BCAR3: variants seen among roughly 807,000 people sequenced by gnomAD.
BCAR3 encodes the protein BCAR3 adaptor protein, NSP family member.
Under a neutral mutation model 80.1 loss-of-function variants are expected in BCAR3, and 37 were observed. The ratio of observed to expected loss-of-function variants is 0.46; its 90% CI spans 0.36 to 0.61. The LOEUF (loss-of-function observed/expected upper bound fraction) is 0.61, where lower values mean the gene tolerates loss of function less well. Among genes scored for constraint, BCAR3 ranks in the 20% least tolerant of loss-of-function variants. The pLI, the probability that BCAR3 is intolerant of heterozygous loss-of-function variation, is 0.00. For synonymous variants in BCAR3, 389 were observed against 418.9 expected (o/e 0.93, Z 0.87); for missense variants, 978 against 1,068.2 (o/e 0.92, Z 1.18).
chr1:93,755,645 C>G (rs1274229577), intron 2 of BCAR3, among the ~76,000 whole-genome samples: 3 of 152,098 alleles, frequency 2.0e-5, no homozygotes, highest in African/African-American at 7.2e-5. Flanking sequence ...TGTAAGTGCA[C>G]TTTATGATGT....
At chr1:93,579,417 G>A (rs1673609532) in intron 7 of BCAR3, among the ~76,000 whole-genome samples, 1 of 152,214 alleles carries the variant, frequency 6.6e-6, no homozygotes, top group South Asian at 2.1e-4. Flanking sequence ...GCCCTGCCCT[G>A]GGGCTGGGTG....
chr1:93,802,983 G>T (rs1165912363), intron 2 of BCAR3, among the ~76,000 whole-genome samples: 2 of 152,120 alleles, frequency 1.3e-5, no homozygotes, highest in African/African-American at 2.4e-5. Flanking sequence ...CACTTCTCAG[G>T]CTCTTACCCC....
intron 2 of BCAR3, among the ~76,000 whole-genome samples, chr1:93,667,894 T>C (rs1005036175): frequency 6.6e-6 from 1 of 152,206 alleles, no homozygotes; most frequent in Admixed American, 6.5e-5. Flanking sequence ...ACTACTCCTT[T>C]AGCTTACAAC....
intron 2 of BCAR3, among the ~76,000 whole-genome samples, chr1:93,658,157 T>A (rs2101927337): frequency 6.6e-6 from 1 of 152,166 alleles, no homozygotes; most frequent in South Asian, 2.1e-4. Flanking sequence ...GCCAGGATGG[T>A]CTCAATCTCC....
Position 93,725,789 on chromosome 1 carries a change from T to C in BCAR3, c.-62-19647A>G, listed in dbSNP as rs1216327515. On this transcript the variant is annotated intron_variant, in intron 2 of 13. Coordinates refer to the BCAR3 transcript ENST00000370244. ...AGTTGATATTTGGGTAGAGGTGAAG[T>C]AGGGATCCAATTTTTTGCCTTATTA... Among the ~76,000 whole-genome samples the C allele has an allele frequency of 2.6e-5, 4 of 152,202 alleles. No homozygotes were observed. In the East Asian group the frequency reaches 5.8e-4, roughly 22 times the overall value.
At chr1:93,717,636 T>A (rs923667459) in intron 2 of BCAR3, among the ~76,000 whole-genome samples, 4 of 146,652 alleles carry the variant, frequency 2.7e-5, no homozygotes, top group Admixed American at 7.1e-5. Context: ...GCTGAGGTAG[T>A]GGAATTGCTT....
chr1:93,746,771 T>C (rs912399051), intron 2 of BCAR3, among the ~76,000 whole-genome samples: 1 of 152,098 alleles, frequency 6.6e-6, no homozygotes, highest in Non-Finnish European at 1.5e-5. Flanking sequence ...ACTCCCACAC[T>C]CCTGAGACCC....
At chr1:93,691,963 A>G (rs761925590) in intron 3 of BCAR3, among the ~76,000 whole-genome samples, 6 of 152,174 alleles carry the variant, frequency 3.9e-5, no homozygotes, top group Admixed American at 6.5e-5. Flanking sequence ...TGGTTACACT[A>G]TTCTCTCTAC....
At chr1:93,738,440 G>A (rs1043232109) in intron 2 of BCAR3, among the ~76,000 whole-genome samples, 1 of 152,246 alleles carries the variant, frequency 6.6e-6, no homozygotes, top group Non-Finnish European at 1.5e-5. Flanking sequence ...CTGCAGGCCG[G>A]TGATGGAGCT....
chr1:93,590,452 C>A (rs1674123936), intron 4 of BCAR3: 1 of 152,156 alleles, frequency 6.6e-6, no homozygotes, highest in African/African-American at 2.4e-5. Context: ...TTAGCAATAA[C>A]TCGTTATTAC....
intron 3 of BCAR3, among the ~76,000 whole-genome samples, chr1:93,597,808 C>G (rs1445279982): frequency 2.6e-5 from 4 of 152,210 alleles, no homozygotes; most frequent in African/African-American, 4.8e-5. Flanking sequence ...TGCCAAGTGC[C>G]TGGAGGCTGC....
intron 2 of BCAR3, among the ~76,000 whole-genome samples, chr1:93,718,355 A>T (rs1217722733): frequency 6.6e-6 from 1 of 152,196 alleles, no homozygotes; most frequent in East Asian, 1.9e-4. Flanking sequence ...AATGCGTACT[A>T]ATGCAGCAGG....
chr1:93,766,534 T>C (rs1170368401), intron 2 of BCAR3, among the ~76,000 whole-genome samples: 1 of 152,198 alleles, frequency 6.6e-6, no homozygotes, highest in Non-Finnish European at 1.5e-5. Context: ...GAATGCTGGG[T>C]TCTTGTTGCC....
At chr1:93,812,829 AC>A (rs1321916747) in intron 2 of BCAR3, among the ~76,000 whole-genome samples, 2 of 151,920 alleles carry the variant, frequency 1.3e-5, no homozygotes, top group Non-Finnish European at 2.9e-5. Context: ...TAAATTCTCT[AC>A]CCCCCTATCC....
chr1:93,698,520 C>T (rs560138948), intron 3 of BCAR3, among the ~76,000 whole-genome samples: 1 of 152,260 alleles, frequency 6.6e-6, no homozygotes, highest in East Asian at 1.9e-4. Context: ...TCCTTTAACC[C>T]CTTCAGGACC....
intron 3 of BCAR3, among the ~76,000 whole-genome samples, chr1:93,690,896 A>C (rs1004360464): frequency 8.5e-5 from 13 of 152,192 alleles, no homozygotes; most frequent in African/African-American, 3.1e-4. Context: ...GGGTGCTTCA[A>C]GGGTGAGTGG....
Position 93,567,866 on chromosome 1 carries a change from G to T in BCAR3, c.1975-15C>A. 1 of 1,602,152 alleles carries T rather than the reference G, an allele frequency of 6.2e-7. No homozygotes were observed. Among genetic ancestry groups the T allele is most frequent in the African/African-American group, 1.3e-5 (1 of 74,746 alleles). ...AACCTTGTGATCTGGAAGAAAGGTG[G>T]TGTTTTGGAAAAGGTTCTTTTTAAA... On this transcript the variant is annotated splice_polypyrimidine_tract_variant and intron_variant, in intron 9 of 11. Transcript: ENST00000260502.
At chr1:93,819,315 C>T (rs1223610733) in intron 2 of BCAR3, among the ~76,000 whole-genome samples, 2 of 152,226 alleles carry the variant, frequency 1.3e-5, no homozygotes, top group Admixed American at 1.3e-4. Flanking sequence ...CCACCCACCT[C>T]GGCCTCCCGA....
chr1:93,692,412 G>A (rs1649226827), intron 3 of BCAR3, among the ~76,000 whole-genome samples: 1 of 152,152 alleles, frequency 6.6e-6, no homozygotes, highest in Admixed American at 6.5e-5. Flanking sequence ...CAAGCATAAG[G>A]AGACACACAA....
Sources: allele counts gnomAD v4.1 joint callset (sites outside exome capture counted in the v4.1 genomes callset), GRCh38; gene constraint gnomAD v4.1.1; transcripts MANE v1.5; gene names NCBI Gene and HGNC (gene_info 2026-07-23, HGNC 2026-07-21).